HDAC9: variants seen among roughly 807,000 people sequenced by gnomAD.
The protein encoded by HDAC9 is histone deacetylase 9, also known as MEF-2 interacting transcription repressor (MITR) protein.
HDAC9 carries 41 observed loss-of-function variants against 139.4 expected under a neutral mutation model. The ratio of observed to expected loss-of-function variants is 0.29; its 90% confidence interval spans 0.23 to 0.38. The LOEUF (loss-of-function observed/expected upper bound fraction) is 0.38, where lower values mean the gene tolerates loss of function less well. Among genes scored for constraint, HDAC9 ranks in the 10% least tolerant of loss-of-function variants. The probability of loss-of-function intolerance (pLI) is 1.00; values close to 1 mark genes in which losing one functional copy is unlikely to be tolerated. For synonymous variants in HDAC9, 517 were observed against 476.2 expected, an observed-to-expected ratio of 1.09 and a Z score of -1.12; for missense variants, 1,147 against 1,297.0, an observed-to-expected ratio of 0.88 and a Z score of 1.78.
rs144257642 is a variant in HDAC9 at position 18,569,099 on chromosome 7, T to A, written c.23-16182T>A. Among the ~76,000 whole-genome samples, 298 of 152,170 alleles carry A rather than the reference T, an allele frequency of 2.0e-3. 2 individuals carry two copies. The highest frequency in any genetic ancestry group is 6.6e-3 in the African/African-American group (275 of 41,546). ...AAATAAAATTTGGCTATAGATTGAT[T>A]CTCAGGAGTTCGCAAACTTTCTGTT... On this transcript the variant is annotated intron_variant, in intron 2 of 25. Transcript: ENST00000686413.
intron 18 of HDAC9, 114 bp downstream of exon 18, chr7:18,829,330 G>A (rs1795689789): frequency 7.1e-6 from 8 of 1,134,222 alleles, no homozygotes; most frequent in Middle Eastern, 2.1e-4. Context: ...AAAATCTTGC[G>A]AGGTACTCCC....
At chr7:18,836,726 G>C (rs972412792) in intron 21 of HDAC9, among the ~76,000 whole-genome samples, 2 of 152,180 alleles carry the variant, frequency 1.3e-5, no homozygotes, top group East Asian at 3.9e-4. Flanking sequence ...GAAAATATTA[G>C]TTTGTAGTTT....
At chr7:18,766,655 T>C (rs1789854465) in intron 15 of HDAC9, among the ~76,000 whole-genome samples, 1 of 152,182 alleles carries the variant, frequency 6.6e-6, no homozygotes, top group African/African-American at 2.4e-5. Flanking sequence ...TGAGAAGATA[T>C]GTTAATATTT....
At chr7:18,852,480 C>G (rs1169719963) in intron 21 of HDAC9, among the ~76,000 whole-genome samples, 1 of 152,156 alleles carries the variant, frequency 6.6e-6, no homozygotes, top group East Asian at 1.9e-4. Context: ...CAGAAACTCT[C>G]TTTCAAAGAA....
At position 19,001,181 on chromosome 7, in the gene HDAC9, T is replaced by G. The variant is rs1365819884; in HGVS notation, c.*5119T>G. On this transcript the variant is annotated 3_prime_UTR_variant, in exon 26 of 26. Transcript: ENST00000686413. ...TTGTGGAAAGAAAATTGTACATACATTTCCTTGTCCTTTGGGAGATGTCTT... is the reference window on the plus strand; with the variant it reads ...TTGTGGAAAGAAAATTGTACATACAGTTCCTTGTCCTTTGGGAGATGTCTT... 6.6e-6 allele frequency: 1 copy of G among 152,176 alleles called. No individual in the cohort carries two copies. The highest frequency in any genetic ancestry group is 2.4e-5 in the African/African-American group (1 of 41,454). The allele number at this position is 152,176 out of a possible 1,614,324, so 9.4% of individuals were successfully genotyped here.
intron 21 of HDAC9, among the ~76,000 whole-genome samples, chr7:18,855,204 C>T (rs1015080451): frequency 6.6e-6 from 1 of 152,070 alleles, no homozygotes; most frequent in Non-Finnish European, 1.5e-5. Flanking sequence ...ACTTCCAGCT[C>T]AGGACTTGCT....
intron 1 of HDAC9, among the ~76,000 whole-genome samples, chr7:18,410,504 G>A (rs1482053230): frequency 6.6e-6 from 1 of 152,084 alleles, no homozygotes; most frequent in African/African-American, 2.4e-5. Flanking sequence ...GCATATAATT[G>A]TATATGATAA....
chr7:18,155,620 C>G (rs758180506), intron 1 of HDAC9, among the ~76,000 whole-genome samples: 24 of 152,148 alleles, frequency 1.6e-4, no homozygotes, highest in Admixed American at 1.1e-3. Flanking sequence ...GTAGCCTGTT[C>G]TTAAATGGTT....
intron 1 of HDAC9, among the ~76,000 whole-genome samples, chr7:18,467,582 T>A (rs1794387491): frequency 6.6e-6 from 1 of 152,224 alleles, no homozygotes; most frequent in African/African-American, 2.4e-5. Flanking sequence ...TGATAAATTA[T>A]GTAACTTCAT....
At chr7:18,340,885 C>T (rs1382832679) in intron 1 of HDAC9, among the ~76,000 whole-genome samples, 2 of 151,486 alleles carry the variant, frequency 1.3e-5, no homozygotes, top group Non-Finnish European at 3.0e-5. Flanking sequence ...CTTCCTTAAA[C>T]ATTTGTTGAA....
At chr7:18,331,636 T>TA (rs1156965900) in intron 1 of HDAC9, among the ~76,000 whole-genome samples, 4 of 149,422 alleles carry the variant, frequency 2.7e-5, no homozygotes, top group Admixed American at 6.7e-5. Flanking sequence ...AAAAAAATTT[T>TA]AAAAAAAGAA....
intron 22 of HDAC9, among the ~76,000 whole-genome samples, chr7:18,878,129 A>G (rs747428919): frequency 6.6e-6 from 1 of 152,180 alleles, no homozygotes; most frequent in Non-Finnish European, 1.5e-5. Flanking sequence ...TGCTGTATTC[A>G]AACAATAAAA....
chr7:18,820,941 T>C (rs150326197), intron 17 of HDAC9, among the ~76,000 whole-genome samples: 1 of 152,182 alleles, frequency 6.6e-6, no homozygotes, highest in African/African-American at 2.4e-5. Flanking sequence ...ATACCACAGA[T>C]GCAGTAATGT....
intron 21 of HDAC9, among the ~76,000 whole-genome samples, chr7:18,863,950 C>CTT (rs1563001148): frequency 1.3e-5 from 2 of 152,288 alleles, no homozygotes; most frequent in East Asian, 3.9e-4. Context: ...ACAAATATCT[C>CTT]TTTGAGATTC....
chr7:18,268,503 A>T (rs1468827623), intron 2 of HDAC9, among the ~76,000 whole-genome samples: 1 of 152,134 alleles, frequency 6.6e-6, no homozygotes, highest in East Asian at 1.9e-4. Context: ...TAAAAAAAAA[A>T]AAGTTGTTGC....
At chr7:18,511,849 G>T (rs946154917) in intron 2 of HDAC9, among the ~76,000 whole-genome samples, 1 of 152,000 alleles carries the variant, frequency 6.6e-6, no homozygotes, top group Non-Finnish European at 1.5e-5. Flanking sequence ...AAATGGTAGA[G>T]AATTACTTTT....
intron 13 of HDAC9, among the ~76,000 whole-genome samples, chr7:18,741,486 G>A (rs889645759): frequency 3.9e-5 from 6 of 152,028 alleles, no homozygotes; most frequent in African/African-American, 1.4e-4. Flanking sequence ...TTACTGCTCA[G>A]GGGGGAAAAA....
intron 8 of HDAC9, among the ~76,000 whole-genome samples, chr7:18,641,038 C>G (rs1624397): frequency 0.63 from 95,590 of 151,920 alleles, 32,177 homozygotes; most frequent in Non-Finnish European, 0.76. Context: ...AGAGTTTTTA[C>G]CTTTCTGAAT....
rs115139676 is a variant in HDAC9 at position 18,463,389 on chromosome 7, T to C, written c.-41-32873T>C. ...GTGTGTGTGGGGCAAGGGGAGGTTT[T>C]AAATTATGGGTTAGATTTGTTAAAA... On this transcript the variant is annotated intron_variant, in intron 1 of 3. Coordinates refer to the HDAC9 transcript ENST00000413509. Among the ~76,000 whole-genome samples, 1,225 of 152,072 alleles carry C rather than the reference T, an allele frequency of 8.1e-3. 13 individuals are homozygous for C. The highest frequency in any genetic ancestry group is 0.028 in the African/African-American group (1,149 of 41,550).
Sources: gnomAD v4.1 joint callset for allele counts (sites outside exome capture counted in the v4.1 genomes callset) on GRCh38, gnomAD v4.1.1 for gene constraint, MANE v1.5 for transcripts, NCBI Gene and HGNC (gene_info 2026-07-23, HGNC 2026-07-21) for gene names.